The following ROBO1 variants were observed in gnomAD, a reference collection of about 807,000 sequenced individuals.
ROBO1 encodes roundabout guidance receptor 1, also known as roundabout homolog 1.
ROBO1 carries 149 observed loss-of-function variants against 195.9 expected under a neutral mutation model. That is an observed-to-expected ratio of 0.76 (90% confidence interval 0.67 to 0.87). The LOEUF (loss-of-function observed/expected upper bound fraction) is 0.87. ROBO1 is among the 40% of genes least tolerant of loss of function. The pLI, the probability that ROBO1 is intolerant of heterozygous loss-of-function variation, is 0.00. For synonymous variants in ROBO1, 816 were observed against 733.2 expected, an observed-to-expected ratio of 1.11 and a Z score of -1.82; for missense variants, 1,933 against 2,068.3, an observed-to-expected ratio of 0.93 and a Z score of 1.27.
chr3:78,713,074 T>C (rs1330779058), intron 8 of ROBO1, among the ~76,000 whole-genome samples: 1 of 152,166 alleles, frequency 6.6e-6, no homozygotes, highest in Non-Finnish European at 1.5e-5. Context: ...TTTCTGTAAA[T>C]GTGAAGAGGT....
At chr3:78,699,446 G>C (rs960386464) in intron 8 of ROBO1, among the ~76,000 whole-genome samples, 7 of 148,502 alleles carry the variant, frequency 4.7e-5, no homozygotes, top group African/African-American at 1.5e-4. Flanking sequence ...GTGGGTGCCT[G>C]TAATCCCAGC....
In ROBO1 at chr3:79,295,621, T is replaced by C. The variant is rs146561975; in HGVS notation, c.89-170082A>G. 1.6e-3 allele frequency among the ~76,000 whole-genome samples: 242 copies of C among 151,954 alleles called. 1 individual carries two copies. Among genetic ancestry groups the C allele is most frequent in the African/African-American group, 5.5e-3 (228 of 41,320 alleles). On this transcript the variant is annotated intron_variant, in intron 2 of 30. Coordinates refer to ENST00000464233, the MANE Select transcript of ROBO1 (RefSeq NM_002941.4). ...TAATAATAAAAAAGAAACGTGATTG[T>C]CTCACAAATGCTTCTTGAAAAAGAA... is the stretch of plus-strand genomic sequence containing the variant.
intron 4 of ROBO1, among the ~76,000 whole-genome samples, chr3:78,931,778 C>A (rs1339846460): frequency 6.6e-6 from 1 of 151,984 alleles, no homozygotes; most frequent in Non-Finnish European, 1.5e-5. Flanking sequence ...CCAGCCTGGG[C>A]AATACAGAGA....
intron 4 of ROBO1, among the ~76,000 whole-genome samples, chr3:78,856,758 A>C (rs1265601602): frequency 6.6e-6 from 1 of 151,662 alleles, no homozygotes. Context: ...TATATTTCAT[A>C]TAACACTGTT....
intron 4 of ROBO1, among the ~76,000 whole-genome samples, chr3:78,815,208 A>G (rs750078363): frequency 6.6e-6 from 1 of 152,146 alleles, no homozygotes; most frequent in Non-Finnish European, 1.5e-5. Context: ...TGAAAGGAAG[A>G]GTGGCAAGTC....
At chr3:78,950,137 T>G (rs1308756608) in intron 3 of ROBO1, among the ~76,000 whole-genome samples, 1 of 152,082 alleles carries the variant, frequency 6.6e-6, no homozygotes, top group African/African-American at 2.4e-5. Flanking sequence ...GAAATACCAT[T>G]TGAACCAGCC....
chr3:79,755,768 C>T (rs7618398), intron 1 of ROBO1, among the ~76,000 whole-genome samples: 12 of 152,310 alleles, frequency 7.9e-5, no homozygotes, highest in East Asian at 1.9e-4. Context: ...ATCCTGCCCC[C>T]CAAGGAGTCA....
At chr3:78,889,777 G>A (rs2036783496) in intron 4 of ROBO1, among the ~76,000 whole-genome samples, 1 of 150,288 alleles carries the variant, frequency 6.7e-6, no homozygotes, top group Non-Finnish European at 1.5e-5. Flanking sequence ...AGAAGTACGT[G>A]AAACTTAAAA....
intron 2 of ROBO1, among the ~76,000 whole-genome samples, chr3:79,558,186 C>G (rs1171916172): frequency 6.6e-6 from 1 of 151,970 alleles, no homozygotes; most frequent in African/African-American, 2.4e-5. Flanking sequence ...GTGTGCCTGC[C>G]TCTCCTGCCT....
At chr3:79,198,979 G>T (rs1355931852) in intron 2 of ROBO1, among the ~76,000 whole-genome samples, 1 of 151,950 alleles carries the variant, frequency 6.6e-6, no homozygotes, top group Non-Finnish European at 1.5e-5. Context: ...TGCAAACAGA[G>T]ACAATTTGAC....
intron 1 of ROBO1, among the ~76,000 whole-genome samples, chr3:79,657,549 A>C (rs1019108751): frequency 7.2e-5 from 11 of 152,124 alleles, no homozygotes; most frequent in African/African-American, 2.7e-4. Context: ...AAATATATAA[A>C]AATTAATGAG....
intron 3 of ROBO1, among the ~76,000 whole-genome samples, chr3:78,957,147 G>A (rs2041086624): frequency 6.6e-6 from 1 of 151,920 alleles, no homozygotes; most frequent in Admixed American, 6.6e-5. Flanking sequence ...TATTTTAGAA[G>A]TTCTGAAAAC....
intron 2 of ROBO1, among the ~76,000 whole-genome samples, chr3:79,374,353 AAT>A (rs1225077530): frequency 1.3e-5 from 2 of 152,148 alleles, no homozygotes; most frequent in African/African-American, 2.4e-5. Context: ...CTTTCACATG[AAT>A]ATGTTTTAAA....
intron 1 of ROBO1, among the ~76,000 whole-genome samples, chr3:79,637,531 AAATAT>A (rs1337603841): frequency 6.6e-6 from 1 of 152,148 alleles, no homozygotes; most frequent in Non-Finnish European, 1.5e-5. Context: ...AAAAGTTTGA[AAATAT>A]AATATGTTGA....
chr3:79,037,600 G>A (rs966818404), intron 3 of ROBO1, among the ~76,000 whole-genome samples: 1 of 152,078 alleles, frequency 6.6e-6, no homozygotes, highest in South Asian at 2.1e-4. Flanking sequence ...CATGAAAATT[G>A]TTCAGAAGCC....
At chr3:78,883,648 C>G (rs1409156399) in intron 4 of ROBO1, among the ~76,000 whole-genome samples, 3 of 152,202 alleles carry the variant, frequency 2.0e-5, no homozygotes, top group Non-Finnish European at 4.4e-5. Flanking sequence ...GCATGAGCTA[C>G]AGTGCCCTGC....
chr3:78,885,661 T>C (rs1009304378), intron 4 of ROBO1, among the ~76,000 whole-genome samples: 1 of 150,878 alleles, frequency 6.6e-6, no homozygotes, highest in Non-Finnish European at 1.5e-5. Flanking sequence ...CACAACTATA[T>C]GAGGTAGATA....
intron 2 of ROBO1, among the ~76,000 whole-genome samples, chr3:79,551,978 GTTAAA>G (rs1165442688): frequency 1.8e-4 from 9 of 48,976 alleles, no homozygotes; most frequent in African/African-American, 7.6e-4. Flanking sequence ...TCTCTACAGA[GTTAAA>G]AAAAAAAAAA....
At chr3:79,006,174 T>C (rs2077615641) in intron 3 of ROBO1, among the ~76,000 whole-genome samples, 2 of 152,196 alleles carry the variant, frequency 1.3e-5, no homozygotes, top group Non-Finnish European at 2.9e-5. Context: ...CTTTGTTTGT[T>C]AGCTTTAGGA....
Sources: allele counts gnomAD v4.1 joint callset (sites outside exome capture counted in the v4.1 genomes callset), GRCh38; gene constraint gnomAD v4.1.1; transcripts MANE v1.5; gene names NCBI Gene and HGNC (gene_info 2026-07-23, HGNC 2026-07-21).